The following SFT2D1 variants were observed in gnomAD, a reference collection of about 807,000 sequenced individuals.
SFT2D1 encodes the protein SFT2 domain containing 1.
Under a neutral mutation model 28.1 loss-of-function variants are expected in SFT2D1, and 24 were observed. The ratio of observed to expected loss-of-function variants is 0.85; its 90% CI spans 0.62 to 1.20. The LOEUF (loss-of-function observed/expected upper bound fraction) is 1.20, where lower values mean the gene tolerates loss of function less well. Among genes scored for constraint, SFT2D1 ranks in the 50% most tolerant of loss-of-function variants. The pLI is 0.00. For synonymous variants in SFT2D1, 82 were observed against 73.7 expected, an observed-to-expected ratio of 1.11 and a Z score of -0.58; for missense variants, 181 against 190.9, an observed-to-expected ratio of 0.95 and a Z score of 0.31.
intron 1 of SFT2D1, among the ~76,000 whole-genome samples, chr6:166,340,287 T>C (rs1310386082): frequency 2.6e-5 from 4 of 152,224 alleles, no homozygotes; most frequent in Non-Finnish European, 4.4e-5. Flanking sequence ...CTACAGTTTG[T>C]TCTCCACAGA....
chr6:166,334,646 A>G (rs556962029), intron 1 of SFT2D1: 2 of 211,756 alleles, frequency 9.4e-6, no homozygotes, highest in South Asian at 1.6e-4. Context: ...TCGGCACTGG[A>G]GGGCTGAGCT....
At chr6:166,321,722 AATCT>A (rs1380910796) in intron 7 of SFT2D1, among the ~76,000 whole-genome samples, 3 of 152,228 alleles carry the variant, frequency 2.0e-5, no homozygotes, top group Admixed American at 6.5e-5. Context: ...TCTTTTTCTA[AATCT>A]ATCAGATTTA....
rs1298742736 is a variant in SFT2D1, at chr6:166,319,999, G to C, written c.*218C>G. On this transcript the variant is annotated 3_prime_UTR_variant, in exon 8 of 8. Coordinates refer to ENST00000361731, the MANE Select transcript of SFT2D1 (RefSeq NM_145169.3). Reference sequence around the variant, plus strand: ...GGCAGTGATTAAAAATCTTATCTTTGGAAAAGTATATTAATGACACATAAT... The same window carrying C: ...GGCAGTGATTAAAAATCTTATCTTTCGAAAAGTATATTAATGACACATAAT... 2.2e-6 allele frequency: 1 copy of C among 445,772 alleles called. No individual in the cohort carries two copies. The allele number at this position is 445,772 out of a possible 1,614,324, so 27.6% of individuals were successfully genotyped here.
chr6:166,327,248 AGAGACACAGACCAGGT>A (rs1778462036), intron 4 of SFT2D1, among the ~76,000 whole-genome samples: 1 of 152,190 alleles, frequency 6.6e-6, no homozygotes, highest in Non-Finnish European at 1.5e-5. Context: ...GAAATCCACA[AGAGACACAGACCAGGT>A]GAGTTAGGAG....
chr6:166,324,406 T>G, intron 6 of SFT2D1, 131 bp downstream of exon 6: 1 of 758,720 alleles, frequency 1.3e-6, no homozygotes. Context: ...AGACCTCCCC[T>G]CCTCTGACCC....
chr6:166,330,289 A>G (rs1231519907), intron 1 of SFT2D1, 42 bp from the exon 2 acceptor site: 1 of 1,288,196 alleles, frequency 7.8e-7, no homozygotes, highest in Admixed American at 2.3e-5. Context: ...GTCTTAATTC[A>G]CTACCAATCT....
At chr6:166,334,517 C>G (rs542848260) in intron 1 of SFT2D1, 1 of 154,012 alleles carries the variant, frequency 6.5e-6, no homozygotes, top group African/African-American at 2.4e-5. Flanking sequence ...CACCTGAGCC[C>G]GGGAGTCAGA....
chr6:166,333,146 C>G (rs1354512365), intron 1 of SFT2D1, among the ~76,000 whole-genome samples: 2 of 152,218 alleles, frequency 1.3e-5, no homozygotes, highest in Admixed American at 1.3e-4. Flanking sequence ...GTTGTGCAGA[C>G]AAGTGAGAAA....
chr6:166,336,557 G>A (rs114579973), intron 1 of SFT2D1, among the ~76,000 whole-genome samples: 2,416 of 152,224 alleles, frequency 0.016, 62 homozygotes, highest in African/African-American at 0.055. Context: ...TGATCAAGGC[G>A]CCAGCAGATT....
intron 5 of SFT2D1, among the ~76,000 whole-genome samples, chr6:166,325,248 C>T (rs886967994): frequency 1.3e-5 from 2 of 152,004 alleles, no homozygotes; most frequent in Admixed American, 6.5e-5. Context: ...TCTCATATAA[C>T]TAAAGTCCTG....
In SFT2D1 at chr6:166,329,565, C is replaced by T. The variant is rs1208293807; in HGVS notation, c.175G>A (p.Gly59Ser). The change falls in exon 3 of 8, where the codon GGC becomes AGC. Residue 59 changes from glycine to serine, a missense_variant. Coordinates refer to ENST00000361731, the MANE Select transcript of SFT2D1 (RefSeq NM_145169.3). ...AACACTGCAAAAAGCTTTATGCCGC[C>T]CGGAAGCCACAGCAATCCAGTTCCC... is the stretch of plus-strand genomic sequence containing the variant. ...ILGTGLLWLP[G>S]GIKLFAVFYT... is the part of the protein sequence containing the mutation. 1.2e-6 allele frequency: 2 copies of T among 1,607,432 alleles called. No individual in the cohort carries two copies. Among genetic ancestry groups the T allele is most frequent in the Admixed American group, 3.3e-5 (2 of 59,950 alleles).
chr6:166,327,037 G>A (rs1193205307), intron 4 of SFT2D1, among the ~76,000 whole-genome samples: 1 of 152,130 alleles, frequency 6.6e-6, no homozygotes. Context: ...AAACTATGAA[G>A]TTGAATAAAG....
At chr6:166,325,638 C>T (rs1778431551) in intron 5 of SFT2D1, among the ~76,000 whole-genome samples, 1 of 152,250 alleles carries the variant, frequency 6.6e-6, no homozygotes, top group African/African-American at 2.4e-5. Context: ...ACCCCTGCAG[C>T]AGCATGGTGG....
chr6:166,324,005 CA>C (rs34080415), intron 6 of SFT2D1: 1,735 of 71,626 alleles, frequency 0.024, 33 homozygotes, highest in Admixed American at 0.11. Flanking sequence ...GACTCTGCCT[CA>C]AAAAAAAAAA....
intron 5 of SFT2D1, among the ~76,000 whole-genome samples, chr6:166,325,594 G>GCA (rs1371646349): frequency 6.6e-6 from 1 of 152,216 alleles, no homozygotes; most frequent in East Asian, 1.9e-4. Flanking sequence ...CTACTCGGCA[G>GCA]CACACTTGCC....
chr6:166,324,640 A>G lies in SFT2D1; in HGVS notation c.352-45T>C, dbSNP rs1778412280. The G allele has an allele frequency of 1.9e-6, 3 of 1,555,980 alleles. No individual in the cohort carries two copies. The African/African-American group carries it at 4.1e-5, about 21-fold the overall frequency. ...AGCAATTATGAGTTTCAAAGTTTTA[A>G]AAACATCTTTCTCAATCAAACTTAA... On this transcript the variant is annotated intron_variant, in intron 5 of 7. Coordinates refer to ENST00000361731, the MANE Select transcript of SFT2D1 (RefSeq NM_145169.3).
chr6:166,330,311 C>G, intron 1 of SFT2D1, 64 bp from the exon 2 acceptor site: 1 of 1,151,786 alleles, frequency 8.7e-7, no homozygotes, highest in Non-Finnish European at 1.2e-6. Flanking sequence ...ATTCTTTATA[C>G]TAAATTAAAG....
In SFT2D1 at chr6:166,342,522, T is replaced by C. The variant is rs551240366; in HGVS notation, c.-41A>G. ...CCGTAGCGGCCGCCACTCTGTTGCC[T>C]GCCCCTGACGCCCACCAGGAAACCC... On this transcript the variant is annotated 5_prime_UTR_variant, in exon 1 of 8. Transcript: ENST00000361731. 4 of 1,493,142 alleles carry C rather than the reference T, an allele frequency of 2.7e-6. No individual in the cohort carries two copies. The highest frequency in any genetic ancestry group is 2.0e-5 in the Admixed American group (1 of 50,626). The allele number at this position is 1,493,142 out of a possible 1,614,324, so 92.5% of individuals were successfully genotyped here.
intron 1 of SFT2D1, among the ~76,000 whole-genome samples, chr6:166,336,854 GC>G (rs749879190): frequency 2.4e-4 from 36 of 152,358 alleles, no homozygotes; most frequent in Non-Finnish European, 4.3e-4. Flanking sequence ...ATAGGCATGA[GC>G]CACTGCATGT....
Sources: allele counts gnomAD v4.1 joint callset (sites outside exome capture counted in the v4.1 genomes callset), GRCh38; gene constraint gnomAD v4.1.1; transcripts MANE v1.5; gene names NCBI Gene and HGNC (gene_info 2026-07-23, HGNC 2026-07-21).